The following VIPR2 variants were observed in gnomAD, a reference collection of about 807,000 sequenced individuals.
VIPR2 encodes vasoactive intestinal polypeptide receptor 2.
A neutral mutation model predicts 58.0 loss-of-function variants in VIPR2; 48 were observed. The observed-to-expected ratio is 0.83, with a 90% CI of 0.66 to 1.05. The LOEUF (loss-of-function observed/expected upper bound fraction) is 1.05. Ranked by LOEUF, VIPR2 falls within the 50% of genes least tolerant of loss-of-function variation. The pLI is 0.00. For synonymous variants in VIPR2, 243 were observed against 235.2 expected, an observed-to-expected ratio of 1.03 and a Z score of -0.30; for missense variants, 534 against 558.0, an observed-to-expected ratio of 0.96 and a Z score of 0.43.
chr7:159,103,552 A>G (rs1858432362), intron 4 of VIPR2, among the ~76,000 whole-genome samples: 1 of 152,206 alleles, frequency 6.6e-6, no homozygotes, highest in Non-Finnish European at 1.5e-5. Flanking sequence ...CTGCCTGCAA[A>G]ATGACGGAAC....
chr7:159,090,253 A>G (rs373997055), intron 4 of VIPR2, among the ~76,000 whole-genome samples: 674 of 83,884 alleles, frequency 8.0e-3, no homozygotes, highest in Middle Eastern at 0.031. Context: ...CACAATCCCC[A>G]GTGACCTCAG....
rs904794917 is a variant in VIPR2, at chr7:159,089,556, C to A, written c.357+14201G>T. On this transcript the variant is annotated intron_variant, in intron 4 of 12. Coordinates refer to ENST00000262178, the MANE Select transcript of VIPR2 (RefSeq NM_003382.5). ...TGTAAAGTGCTTAGAGCACAGTAAG[C>A]CCTTAACAACAACTATTATTATCAT... Among the ~76,000 whole-genome samples, 30 of 152,212 alleles carry A rather than the reference C, an allele frequency of 2.0e-4. 1 individual carries two copies. Among genetic ancestry groups the A allele is most frequent in the African/African-American group, 7.2e-4 (30 of 41,450 alleles).
At chr7:159,122,358 G>C (rs1206134546) in intron 2 of VIPR2, among the ~76,000 whole-genome samples, 2 of 152,240 alleles carry the variant, frequency 1.3e-5, no homozygotes, top group Non-Finnish European at 2.9e-5. Flanking sequence ...GCTGGTGGCA[G>C]AGACGAGGCT....
rs1369581817 is a variant in VIPR2 at position 159,083,691 on chromosome 7, T to C, written c.357+20066A>G. On this transcript the variant is annotated intron_variant, in intron 4 of 12. Coordinates refer to ENST00000262178, the MANE Select transcript of VIPR2 (RefSeq NM_003382.5). Reference sequence around the variant, plus strand: ...AGAGAGGCCAGGTCTGGTGGACACGTTTACTGTCAGTCCATTCATAACCCA... The same window carrying C: ...AGAGAGGCCAGGTCTGGTGGACACGCTTACTGTCAGTCCATTCATAACCCA... 1.3e-5 allele frequency among the ~76,000 whole-genome samples: 2 copies of C among 152,174 alleles called. 1 individual carries two copies. The highest frequency in any genetic ancestry group is 1.3e-4 in the Admixed American group (2 of 15,286).
intron 4 of VIPR2, among the ~76,000 whole-genome samples, chr7:159,083,573 G>C (rs943804761): frequency 2.6e-5 from 4 of 152,210 alleles, no homozygotes; most frequent in Admixed American, 2.6e-4. Context: ...CGAGCCACCA[G>C]AGCCACAGCC....
chr7:159,033,143 T>C (rs1853693923), intron 10 of VIPR2, among the ~76,000 whole-genome samples: 1 of 152,224 alleles, frequency 6.6e-6, no homozygotes, highest in Non-Finnish European at 1.5e-5. Context: ...AGTGACATTA[T>C]TACTTCCATG....
chr7:159,034,610 T>C lies in VIPR2; in HGVS notation c.850A>G (p.Ile284Val), dbSNP rs755996366. The change falls in exon 9 of 13, where the codon ATA becomes GTA. Residue 284 changes from isoleucine to valine, a missense_variant. Physicochemically the swap from Ile to Val is conservative, Grantham distance 29 (BLOSUM62 3). This residue lies in a region of VIPR2 where 306 missense variants were observed against 285.8 expected (regional missense o/e 1.07). Transcript: ENST00000262178. ...TNDHSVPWWV[I>V]RIPILISIIV... Reference sequence around the variant, plus strand: ...ATGGAAATTAAAATCGGTATTCGTATGACCCACCAGGGCACACTGTGGTCG... The same window carrying C: ...ATGGAAATTAAAATCGGTATTCGTACGACCCACCAGGGCACACTGTGGTCG... 5.0e-6 allele frequency: 8 copies of C among 1,613,940 alleles called. No homozygotes were observed. In the Admixed American group the frequency reaches 1.2e-4, roughly 24 times the overall value.
chr7:159,099,774 C>G lies in VIPR2; in HGVS notation c.357+3983G>C, dbSNP rs754478007. Among the ~76,000 whole-genome samples, 2 of 152,134 alleles carry G rather than the reference C, an allele frequency of 1.3e-5. No individual in the cohort carries two copies. Among genetic ancestry groups the G allele is most frequent in the Non-Finnish European group, 2.9e-5 (2 of 68,016 alleles). ...TCCCACCTGGACCTTGAAATCCCCC[C>G]CAGGCCACAGAAGCCCCTGAGACCC... On this transcript the variant is annotated intron_variant, in intron 4 of 12. Transcript: ENST00000262178. This position sits in a 1 kb window ranked among gnomAD's most constrained non-coding sequence, Gnocchi z 4.2.
chr7:159,058,306 A>G (rs973818883), intron 5 of VIPR2, among the ~76,000 whole-genome samples, 175 bp downstream of exon 5: 2 of 152,248 alleles, frequency 1.3e-5, no homozygotes, highest in Non-Finnish European at 2.9e-5. Context: ...TAATAAATGC[A>G]GAGTATTTAA....
intron 2 of VIPR2, among the ~76,000 whole-genome samples, chr7:159,130,086 C>A (rs1434763846): frequency 6.6e-6 from 1 of 152,284 alleles, no homozygotes; most frequent in Non-Finnish European, 1.5e-5. Context: ...CTGTCCTCCC[C>A]TCTTGAAACT....
chr7:159,137,228 G>C (rs1245982349), intron 2 of VIPR2, among the ~76,000 whole-genome samples: 1 of 152,174 alleles, frequency 6.6e-6, no homozygotes, highest in East Asian at 1.9e-4. Flanking sequence ...GAAGCCATTA[G>C]TGCACTTCTG....
In VIPR2 at chr7:159,028,186, A is replaced by C. The variant is rs754708857; in HGVS notation, c.*2430T>G. On this transcript the variant is annotated 3_prime_UTR_variant, in exon 13 of 13. Coordinates refer to ENST00000262178, the MANE Select transcript of VIPR2 (RefSeq NM_003382.5). ...GTTCTTACTCAGCATGCAGATGTGA[A>C]GTCAGGCTTTATTGAAGTATTTACA... 1 of 152,476 alleles carries C rather than the reference A, an allele frequency of 6.6e-6. No individual in the cohort carries two copies. Among genetic ancestry groups the C allele is most frequent in the Non-Finnish European group, 1.5e-5 (1 of 68,174 alleles). 9.4% of individuals were successfully genotyped at this position (152,476 alleles called of 1,614,324 possible).
At chr7:159,144,222 C>CCT in intron 1 of VIPR2, 1 of 1,309,350 alleles carries the variant, frequency 7.6e-7, no homozygotes, top group Non-Finnish European at 9.8e-7. Flanking sequence ...CCTCCAGTGC[C>CCT]CTTGGGAAAA....
chr7:159,139,876 G>A (rs944065148), intron 2 of VIPR2, among the ~76,000 whole-genome samples: 1 of 152,266 alleles, frequency 6.6e-6, no homozygotes, highest in Non-Finnish European at 1.5e-5. Flanking sequence ...CCTGCGAGTT[G>A]GCATGGGCCA....
rs1858097329 is a variant in VIPR2 at position 159,099,824 on chromosome 7, G to T, written c.357+3933C>A. 6.6e-6 allele frequency among the ~76,000 whole-genome samples: 1 copy of T among 152,154 alleles called. No homozygotes were observed. On this transcript the variant is annotated intron_variant, in intron 4 of 12. Transcript: ENST00000262178. This position sits in a 1 kb window ranked among gnomAD's most constrained non-coding sequence, Gnocchi z 4.2. ...CCTGGCTGCTCCCTTTCCTATGGAA[G>T]CCTGGGGCAGATGGTATTATCACTG...
chr7:159,120,390 C>T (rs1042521849), intron 2 of VIPR2, among the ~76,000 whole-genome samples: 4 of 143,038 alleles, frequency 2.8e-5, no homozygotes, highest in African/African-American at 1.1e-4. Context: ...CCCACCACAC[C>T]TGGACCCCTC....
Position 159,029,330 on chromosome 7 carries a change from TG to T in VIPR2, c.*1285del, listed in dbSNP as rs1473110939. ...TGGGGGCCAGGGCTTGGCACACACA[TG>T]GAGACTGTGCCCTGATATCCCCACC... On this transcript the variant is annotated 3_prime_UTR_variant, in exon 13 of 13. Transcript: ENST00000262178. The T allele has an allele frequency of 1.3e-5, 2 of 152,240 alleles. No individual in the cohort carries two copies. The highest frequency in any genetic ancestry group is 4.8e-5 in the African/African-American group (2 of 41,432). The allele number at this position is 152,240 out of a possible 1,614,324, so 9.4% of individuals were successfully genotyped here.
At position 159,035,827 on chromosome 7, in the gene VIPR2, G is replaced by A. The variant is rs570960090; in HGVS notation, c.809+125C>T. 1.8e-4 allele frequency: 260 copies of A among 1,446,052 alleles called. 2 individuals carry two copies. Among genetic ancestry groups the A allele is most frequent in the Non-Finnish European group, 2.2e-5 (24 of 1,090,634 alleles). The allele number at this position is 1,446,052 out of a possible 1,614,324, so 89.6% of individuals were successfully genotyped here. A position where few individuals can be genotyped will look rare whatever the true frequency, so the allele number is the denominator to read the frequency against. ...GAATCGCCCAGATGCTTCCTGCGTG[G>A]CTGTCGGTTGGCCGCAAACGCTCCC... On this transcript the variant is annotated intron_variant, in intron 8 of 12. Coordinates refer to ENST00000262178, the MANE Select transcript of VIPR2 (RefSeq NM_003382.5).
rs55934723 is a variant in VIPR2 at position 159,045,891 on chromosome 7, A to ATATATATATATAT, written c.456-2716_456-2715insATATATATATATA. Among the ~76,000 whole-genome samples, 601 of 147,988 alleles carry ATATATATATATAT rather than the reference A, an allele frequency of 4.1e-3. 1 individual carries two copies. Among genetic ancestry groups the ATATATATATATAT allele is most frequent in the Non-Finnish European group, 6.4e-3 (429 of 67,166 alleles). ...TATATCTGATAAGGATTAGTATCTA[A>ATATATATATATAT]AATATATAAAGAACTCTTACAACTC... On this transcript the variant is annotated intron_variant, in intron 5 of 12. Coordinates refer to ENST00000262178, the MANE Select transcript of VIPR2 (RefSeq NM_003382.5).
Sources: allele counts gnomAD v4.1 joint callset (sites outside exome capture counted in the v4.1 genomes callset), GRCh38; gene constraint gnomAD v4.1.1; regional missense constraint gnomAD v4.1.1; non-coding constraint Gnocchi (gnomAD v3.1); transcripts MANE v1.5; gene names NCBI Gene and HGNC (gene_info 2026-07-23, HGNC 2026-07-21).